Variants in MED15 observed in about 807,000 individuals in gnomAD.
MED15 encodes mediator complex subunit 15, also known as mediator of RNA polymerase II transcription subunit 15.
Under a neutral mutation model 118.7 loss-of-function variants are expected in MED15, and 41 were observed. The ratio of observed to expected loss-of-function variants is 0.35; its 90% confidence interval spans 0.27 to 0.45. The LOEUF (loss-of-function observed/expected upper bound fraction) is 0.45. MED15 is among the 20% of genes least tolerant of loss of function. The pLI is 1.00. For missense variants in MED15, 740 were observed against 1,025.5 expected (o/e 0.72, Z 3.80); for synonymous variants, 436 against 413.9 (o/e 1.05, Z -0.65).
At chr22:20,535,096 C>A (rs1379683110) in intron 1 of MED15, among the ~76,000 whole-genome samples, 1 of 151,494 alleles carries the variant, frequency 6.6e-6, no homozygotes, top group African/African-American at 2.4e-5. Flanking sequence ...TAGCTGGGAC[C>A]ACAGGTGCCT....
At chr22:20,508,276 G>A in intron 1 of MED15, 2 of 1,298,790 alleles carry the variant, frequency 1.5e-6, no homozygotes, top group South Asian at 1.2e-5. Flanking sequence ...CCGAAGGATG[G>A]CAGGAAGCCG....
chr22:20,508,037 C>T, intron 1 of MED15: 1 of 1,387,232 alleles, frequency 7.2e-7, no homozygotes. Flanking sequence ...CAGACTTTCC[C>T]CCGCTTTTTG....
intron 8 of MED15, among the ~76,000 whole-genome samples, chr22:20,572,003 G>A (rs796839460): frequency 4.3e-4 from 65 of 152,252 alleles, no homozygotes; most frequent in African/African-American, 1.5e-3. Flanking sequence ...AGCCCTGGTC[G>A]GCACGAAGGA....
intron 5 of MED15, among the ~76,000 whole-genome samples, chr22:20,563,989 G>C (rs904483972): frequency 6.6e-6 from 1 of 152,188 alleles, no homozygotes; most frequent in Non-Finnish European, 1.5e-5. Flanking sequence ...ACAGGAAATC[G>C]GTGTAGTAGA....
At position 20,549,977 on chromosome 22, in the gene MED15, A is replaced by G. The variant is rs75195136; in HGVS notation, c.157-1459A>G. Among the ~76,000 whole-genome samples, 1,342 of 152,236 alleles carry G rather than the reference A, an allele frequency of 8.8e-3. 21 individuals carry two copies. Among genetic ancestry groups the G allele is most frequent in the African/African-American group, 0.03 (1,255 of 41,534 alleles). The stretch of plus-strand genomic sequence containing the variant: ...AAGTATCTTGTTGCTTTTGAAACCT[A>G]CTTCCCCTTGTTTTACCTTTTATGG... On this transcript the variant is annotated intron_variant, in intron 2 of 17. Coordinates refer to ENST00000263205, the MANE Select transcript of MED15 (RefSeq NM_001003891.3).
At chr22:20,571,373 C>T (rs527367117) in intron 8 of MED15, among the ~76,000 whole-genome samples, 258 of 152,334 alleles carry the variant, frequency 1.7e-3, no homozygotes, top group South Asian at 0.014. Context: ...CACTGTGGTT[C>T]GTTGCTGAGT....
At chr22:20,515,098 A>G (rs550442172) in intron 1 of MED15, among the ~76,000 whole-genome samples, 1 of 152,290 alleles carries the variant, frequency 6.6e-6, no homozygotes, top group South Asian at 2.1e-4. Context: ...GTGGTTGTTG[A>G]GCCTCTAGGC....
chr22:20,567,983 G>T (rs1247631028), intron 7 of MED15, among the ~76,000 whole-genome samples: 1 of 152,218 alleles, frequency 6.6e-6, no homozygotes, highest in Admixed American at 6.5e-5. Flanking sequence ...GGGGCTGCAG[G>T]TGTGCATCCC....
Position 20,585,801 on chromosome 22 carries a change from G to C in MED15, c.2205G>C (p.Leu735=), listed in dbSNP as rs1231771106. 6.2e-7 allele frequency: 1 copy of C among 1,613,276 alleles called. No individual in the cohort carries two copies. Among genetic ancestry groups the C allele is most frequent in the East Asian group, 2.2e-5 (1 of 44,882 alleles). ...VPADYPAQSP[L]WIDRQWQYDA... ...CTGACTATCCTGCCCAAAGCCCGCT[G>C]TGGATAGACCGGCAGTGGCAGTACG... Residue 735 remains leucine (L), a synonymous_variant, in exon 17 of 18, where the codon CTG becomes CTC. Transcript: ENST00000263205.
In MED15 at chr22:20,546,858, C is replaced by A. The variant is rs139422112; in HGVS notation, c.157-4578C>A. On this transcript the variant is annotated intron_variant, in intron 2 of 17. Coordinates refer to ENST00000263205, the MANE Select transcript of MED15 (RefSeq NM_001003891.3). ...TTGGCTGCTCCTCTAGGGAGTGAAC[C>A]CTGGGGACTTCTGCCGGTAAAGTGG... Among the ~76,000 whole-genome samples the A allele has an allele frequency of 2.0e-5, 3 of 152,182 alleles. No homozygotes were observed. The East Asian group carries it at 5.8e-4, about 29-fold the overall frequency.
chr22:20,532,130 G>A (rs2054886124), intron 1 of MED15, among the ~76,000 whole-genome samples: 1 of 152,242 alleles, frequency 6.6e-6, no homozygotes, highest in African/African-American at 2.4e-5. Context: ...GACCTGGGGA[G>A]CTGGCGAGGG....
intron 5 of MED15, among the ~76,000 whole-genome samples, chr22:20,561,204 A>G (rs2056225966): frequency 6.6e-6 from 1 of 152,184 alleles, no homozygotes; most frequent in South Asian, 2.1e-4. Flanking sequence ...AATGCAATCA[A>G]AAAAGACAAA....
intron 2 of MED15, among the ~76,000 whole-genome samples, chr22:20,539,208 C>T (rs1326848763): frequency 6.6e-6 from 1 of 152,166 alleles, no homozygotes; most frequent in Non-Finnish European, 1.5e-5. Flanking sequence ...AAGCAAGTCT[C>T]CTGTCTCAGC....
At chr22:20,518,691 A>G (rs2054337814) in intron 1 of MED15, among the ~76,000 whole-genome samples, 1 of 152,196 alleles carries the variant, frequency 6.6e-6, no homozygotes, top group Non-Finnish European at 1.5e-5. Context: ...GCCTAGATGA[A>G]GTACATAATA....
intron 1 of MED15, 145 bp from the exon 2 acceptor site, chr22:20,536,972 C>A (rs2269830): frequency 0.55 from 333,696 of 611,288 alleles, 93,401 homozygotes; most frequent in Admixed American, 0.7. Flanking sequence ...TTCCCATATG[C>A]CTCTCCTGGA....
chr22:20,520,319 C>T (rs1231303998), intron 1 of MED15, among the ~76,000 whole-genome samples: 1 of 152,204 alleles, frequency 6.6e-6, no homozygotes, highest in Non-Finnish European at 1.5e-5. Flanking sequence ...CAGACATGAC[C>T]TTTGAGGAAG....
rs2057152704 is a variant in MED15, at chr22:20,586,927, A to G, written c.*223A>G. The G allele has an allele frequency of 1.6e-6, 1 of 638,788 alleles. No homozygotes were observed. Among genetic ancestry groups the G allele is most frequent in the Admixed American group, 3.0e-5 (1 of 33,384 alleles). 39.6% of individuals were successfully genotyped at this position (638,788 alleles called of 1,614,324 possible). ...TGGGGGGCGTTGGCCGACTTCTTAG[A>G]GAAGGCCCTCCATGTGACTTCCTCC... On this transcript the variant is annotated 3_prime_UTR_variant, in exon 18 of 18. Coordinates refer to ENST00000263205, the MANE Select transcript of MED15 (RefSeq NM_001003891.3).
chr22:20,543,751 T>G (rs2055414794), intron 2 of MED15, among the ~76,000 whole-genome samples: 1 of 151,330 alleles, frequency 6.6e-6, no homozygotes, highest in Admixed American at 6.6e-5. Flanking sequence ...AAAGATGGGA[T>G]TTCACCATGT....
At chr22:20,547,594 CGGATCAGAA>C (rs1286210921) in intron 2 of MED15, among the ~76,000 whole-genome samples, 12 of 151,408 alleles carry the variant, frequency 7.9e-5, no homozygotes, top group African/African-American at 2.9e-4. Context: ...CTGAGGTGGG[CGGATCAGAA>C]GGTCAGGAGA....
Sources: allele counts gnomAD v4.1 joint callset (sites outside exome capture counted in the v4.1 genomes callset), GRCh38; gene constraint gnomAD v4.1.1; transcripts MANE v1.5; gene names NCBI Gene and HGNC (gene_info 2026-07-23, HGNC 2026-07-21).